Variants in RORA observed in about 807,000 individuals in gnomAD.
The protein encoded by RORA is RAR related orphan receptor A, also known as nuclear receptor ROR-alpha.
Under a neutral mutation model 69.5 loss-of-function variants are expected in RORA, and 7 were observed. The observed-to-expected ratio is 0.10, with a 90% CI of 0.06 to 0.19. RORA has a LOEUF of 0.19. RORA is among the 10% of genes least tolerant of loss of function. The probability of loss-of-function intolerance (pLI) is 1.00; values close to 1 mark genes in which losing one functional copy is unlikely to be tolerated. For synonymous variants in RORA, 261 were observed against 240.8 expected, an observed-to-expected ratio of 1.08 and a Z score of -0.78; for missense variants, 457 against 663.0, an observed-to-expected ratio of 0.69 and a Z score of 3.41.
intron 1 of RORA, among the ~76,000 whole-genome samples, chr15:61,087,103 T>C (rs943371511): frequency 6.6e-6 from 1 of 152,142 alleles, no homozygotes; most frequent in East Asian, 1.9e-4. Flanking sequence ...CCCAGGATTT[T>C]GAGGTCACAG....
At chr15:61,059,734 G>T (rs2078144986) in intron 1 of RORA, among the ~76,000 whole-genome samples, 2 of 151,956 alleles carry the variant, frequency 1.3e-5, no homozygotes, top group South Asian at 4.2e-4. Flanking sequence ...CCTGAAAGCT[G>T]GGAAAAGGAC....
rs1280792118 is a variant in RORA, at chr15:61,128,230, TGTGA to T, written c.166+100819_166+100822del. 2.0e-5 allele frequency among the ~76,000 whole-genome samples: 3 copies of T among 152,110 alleles called. No individual in the cohort carries two copies. Among genetic ancestry groups the T allele is most frequent in the Admixed American group, 1.3e-4 (2 of 15,274 alleles). ...GTGTGTGTGTGTGTGTGTGTCTGTGTGTGAGTGTGTTTCTGCAAGGGTATACTTT... is the reference window on the plus strand; with the variant it reads ...GTGTGTGTGTGTGTGTGTGTCTGTGTGTGTGTTTCTGCAAGGGTATACTTT... On this transcript the variant is annotated intron_variant, in intron 1 of 10. Transcript: ENST00000335670. This position sits in a 1 kb window ranked among gnomAD's most constrained non-coding sequence, Gnocchi z 4.5.
At chr15:60,506,458 C>G (rs1310358493) in intron 5 of RORA, among the ~76,000 whole-genome samples, 5 of 152,122 alleles carry the variant, frequency 3.3e-5, no homozygotes, top group African/African-American at 7.2e-5. Flanking sequence ...ATCTGGTGAA[C>G]ACGTATGAAC....
At chr15:61,113,819 C>G (rs2079028173) in intron 1 of RORA, among the ~76,000 whole-genome samples, 1 of 152,208 alleles carries the variant, frequency 6.6e-6, no homozygotes, top group African/African-American at 2.4e-5. Context: ...TTTAAGATGT[C>G]AAGTGCCATA....
intron 1 of RORA, among the ~76,000 whole-genome samples, chr15:61,030,949 C>A (rs572330164): frequency 6.6e-6 from 1 of 152,210 alleles, no homozygotes; most frequent in South Asian, 2.1e-4. Flanking sequence ...AAAAAATATG[C>A]ATATGCACAC....
Position 60,503,523 on chromosome 15 carries a change from C to G in RORA, c.1075+12G>C. On this transcript the variant is annotated intron_variant, in intron 7 of 10. Coordinates refer to ENST00000335670, the MANE Select transcript of RORA (RefSeq NM_134261.3). Reference sequence around the variant, plus strand: ...AGGAAGAGATCTCAAAATTCACTTGCAAAGCACATACCTGCTTTTAGAAGC... The same window carrying G: ...AGGAAGAGATCTCAAAATTCACTTGGAAAGCACATACCTGCTTTTAGAAGC... 6.2e-7 allele frequency: 1 copy of G among 1,613,058 alleles called. No homozygotes were observed. The highest frequency in any genetic ancestry group is 1.1e-5 in the South Asian group (1 of 90,866).
chr15:61,170,161 AT>A lies in RORA; in HGVS notation c.166+58891del, dbSNP rs555866044. Among the ~76,000 whole-genome samples, 63 of 152,318 alleles carry A rather than the reference AT, an allele frequency of 4.1e-4. No individual in the cohort carries two copies. The South Asian group carries it at 4.1e-3, about 10-fold the overall frequency. ...TGGTTTCCTGTGGCTGCAGTGATCAATTACCATAAATGCAGTGGCTTAAATC... is the reference window on the plus strand; with the variant it reads ...TGGTTTCCTGTGGCTGCAGTGATCAATACCATAAATGCAGTGGCTTAAATC... On this transcript the variant is annotated intron_variant, in intron 1 of 10. Coordinates refer to ENST00000335670, the MANE Select transcript of RORA (RefSeq NM_134261.3).
chr15:60,638,120 G>A (rs1165792318), intron 2 of RORA, among the ~76,000 whole-genome samples: 1 of 152,126 alleles, frequency 6.6e-6, no homozygotes, highest in Admixed American at 6.5e-5. Context: ...CCAGTGAGGA[G>A]ATTGAGACAT....
intron 1 of RORA, among the ~76,000 whole-genome samples, chr15:60,863,807 CTTTTTT>C (rs71122881): frequency 3.7e-5 from 5 of 135,086 alleles, no homozygotes; most frequent in African/African-American, 2.7e-5. Context: ...CTGTCAGAAT[CTTTTTT>C]TTTTTTTTTT....
intron 1 of RORA, among the ~76,000 whole-genome samples, chr15:60,833,390 A>C (rs974630931): frequency 6.6e-6 from 1 of 151,620 alleles, no homozygotes; most frequent in African/African-American, 2.4e-5. Flanking sequence ...TAATTTTTGT[A>C]TTTTTAGTAG....
At chr15:60,675,413 C>T (rs1478620004) in intron 2 of RORA, among the ~76,000 whole-genome samples, 1 of 152,224 alleles carries the variant, frequency 6.6e-6, no homozygotes, top group East Asian at 1.9e-4. Flanking sequence ...TAAAAACTCT[C>T]TTTTATGTTT....
At chr15:61,132,921 T>C (rs1441546034) in intron 1 of RORA, among the ~76,000 whole-genome samples, 1 of 152,188 alleles carries the variant, frequency 6.6e-6, no homozygotes, top group Non-Finnish European at 1.5e-5. Context: ...CGGCTATATA[T>C]CTCTTTGTAT....
chr15:60,759,741 G>A (rs1184853451), intron 1 of RORA, among the ~76,000 whole-genome samples: 1 of 152,096 alleles, frequency 6.6e-6, no homozygotes, highest in Admixed American at 6.6e-5. Context: ...CTCAGGAGCT[G>A]CCAGTTTCAT....
At chr15:60,774,471 G>C (rs541222477) in intron 1 of RORA, among the ~76,000 whole-genome samples, 1 of 152,144 alleles carries the variant, frequency 6.6e-6, no homozygotes, top group African/African-American at 2.4e-5. Context: ...CCCTTCCTAA[G>C]GACTCTTCCT....
At chr15:60,895,123 G>A (rs1891196770) in intron 1 of RORA, among the ~76,000 whole-genome samples, 2 of 152,128 alleles carry the variant, frequency 1.3e-5, no homozygotes, top group Non-Finnish European at 2.9e-5. Flanking sequence ...AGTAGGGCTC[G>A]ATTTCCACAA....
chr15:61,198,206 C>T (rs1269322630), intron 1 of RORA, among the ~76,000 whole-genome samples: 4 of 151,988 alleles, frequency 2.6e-5, no homozygotes, highest in African/African-American at 7.3e-5. Context: ...GAGCAAAATA[C>T]CAAAATGTTA....
chr15:60,520,725 G>A (rs35687658), intron 3 of RORA, among the ~76,000 whole-genome samples: 40,914 of 151,624 alleles, frequency 0.27, 6,103 homozygotes, highest in African/African-American at 0.37. Context: ...CTGAGGAGGC[G>A]TAAAAAAAAA....
chr15:60,973,591 G>T (rs992546312), intron 1 of RORA, among the ~76,000 whole-genome samples: 4 of 152,210 alleles, frequency 2.6e-5, no homozygotes, highest in African/African-American at 4.8e-5. Flanking sequence ...TCTGAAACTT[G>T]TAACAGTGGT....
intron 2 of RORA, among the ~76,000 whole-genome samples, chr15:60,594,005 A>ATT (rs2068612636): frequency 6.6e-6 from 1 of 152,178 alleles, no homozygotes; most frequent in African/African-American, 2.4e-5. Flanking sequence ...AAGGTCAATA[A>ATT]AGTTCGTTGT....
Sources: gnomAD v4.1 joint callset for allele counts (sites outside exome capture counted in the v4.1 genomes callset) on GRCh38, gnomAD v4.1.1 for gene constraint, Gnocchi (gnomAD v3.1) non-coding constraint, MANE v1.5 for transcripts, NCBI Gene and HGNC (gene_info 2026-07-23, HGNC 2026-07-21) for gene names.